Variants in MEI1 observed in about 807,000 individuals in gnomAD.
The protein encoded by MEI1 is meiosis inhibitor protein 1.
A neutral mutation model predicts 146.2 loss-of-function variants in MEI1; 103 were observed. The ratio of observed to expected loss-of-function variants is 0.70; its 90% CI spans 0.60 to 0.83. The LOEUF is 0.83. Among genes scored for constraint, MEI1 ranks in the 40% least tolerant of loss-of-function variants. The pLI, the probability that MEI1 is intolerant of heterozygous loss-of-function variation, is 0.00. For missense variants in MEI1, 1,529 were observed against 1,533.0 expected (o/e 1.00, Z 0.04); for synonymous variants, 652 against 628.2 (o/e 1.04, Z -0.57).
At chr22:41,740,901 A>G (rs535983962) in intron 11 of MEI1, among the ~76,000 whole-genome samples, 50 of 152,154 alleles carry the variant, frequency 3.3e-4, no homozygotes, top group African/African-American at 1.2e-3. Context: ...GGCCCAACAG[A>G]TGGCTCTCAG....
Position 41,709,751 on chromosome 22 carries a change from G to C in MEI1, c.349+4197G>C, listed in dbSNP as rs1043978930. Among the ~76,000 whole-genome samples the C allele has an allele frequency of 1.2e-3, 178 of 152,206 alleles. 1 individual carries two copies. The highest frequency in any genetic ancestry group is 3.7e-4 in the Non-Finnish European group (25 of 68,010). On this transcript the variant is annotated intron_variant, in intron 3 of 30. Transcript: ENST00000401548. ...TGTTAGTGGCAACTGAGTTTCCCCT[G>C]GATATTGGGATCAGTCATTCCAGGT...
In MEI1 at chr22:41,795,834, C is replaced by T. The variant is rs771414818; in HGVS notation, c.3766C>T (p.Leu1256=). 1.5e-5 allele frequency: 25 copies of T among 1,613,658 alleles called. No individual in the cohort carries two copies. In the Admixed American group the frequency reaches 4.2e-4, roughly 27 times the overall value. ...PPSTSSGQPP[L]QDMLCLGGVA... ...TAGCACCTCCTCAGGCCAGCCACCCCTGCAGGACATGCTGTATCCTTTCTT... is the reference window on the plus strand; with the variant it reads ...TAGCACCTCCTCAGGCCAGCCACCCTTGCAGGACATGCTGTATCCTTTCTT... Residue 1256 remains leucine (L), a synonymous_variant, in exon 30 of 31, where the codon CTG becomes TTG. Transcript: ENST00000401548. This position sits in a 1 kb window ranked among gnomAD's most constrained non-coding sequence, Gnocchi z 4.2.
At chr22:41,706,485 T>C (rs963811469) in intron 3 of MEI1, among the ~76,000 whole-genome samples, 1 of 152,158 alleles carries the variant, frequency 6.6e-6, no homozygotes, top group African/African-American at 2.4e-5. Flanking sequence ...CAAAGGCACA[T>C]ACAAAACTCT....
At chr22:41,757,749 G>A (rs995126347) in intron 17 of MEI1, among the ~76,000 whole-genome samples, 2 of 152,140 alleles carry the variant, frequency 1.3e-5, no homozygotes, top group South Asian at 4.1e-4. Flanking sequence ...GTCTCATTAT[G>A]TGTCTCTTCC....
chr22:41,793,921 T>C lies in MEI1; in HGVS notation c.3427+11T>C, dbSNP rs1014538638. 6.2e-7 allele frequency: 1 copy of C among 1,607,104 alleles called. No individual in the cohort carries two copies. Among genetic ancestry groups the C allele is most frequent in the African/African-American group, 1.3e-5 (1 of 74,740 alleles). On this transcript the variant is annotated intron_variant, in intron 27 of 30. Coordinates refer to ENST00000401548, the MANE Select transcript of MEI1 (RefSeq NM_152513.4). ...GGAGCCCAGACATTGGTAGAAACTC[T>C]CCACATTATCTGATGTTCCCATGAG...
At chr22:41,735,233 T>G (rs1194447058) in intron 11 of MEI1, among the ~76,000 whole-genome samples, 2 of 147,564 alleles carry the variant, frequency 1.4e-5, no homozygotes, top group South Asian at 2.2e-4. Context: ...AAGTGTTTTT[T>G]TTTTTTTTTT....
rs771201516 is a variant in MEI1 at position 41,703,332 on chromosome 22, T to C, written c.176T>C (p.Leu59Ser). 1.1e-5 allele frequency: 18 copies of C among 1,612,388 alleles called. No homozygotes were observed. The South Asian group carries it at 1.8e-4, about 16-fold the overall frequency. The change falls in exon 2 of 31, where the codon TTA (leucine) becomes TCA (serine). Residue 59 changes from leucine (L) to serine (S), a missense_variant and splice_region_variant. By Grantham distance (145) the Leu-to-Ser change is moderately radical (BLOSUM62 -2). Coordinates refer to ENST00000401548, the MANE Select transcript of MEI1 (RefSeq NM_152513.4). ...ATGTTTTTCTTCATTTGCTTCAAGT[T>C]AGTGCGCAAGAAGCACATGTTGTCC... ...LELLPDPGVS[L>S]VRKKHMLSCF...
chr22:41,759,632 A>AAATAAATAAATAAATAAATAAATAAAT (rs1569268709), intron 18 of MEI1, among the ~76,000 whole-genome samples: 5 of 135,678 alleles, frequency 3.7e-5, no homozygotes, highest in African/African-American at 1.5e-4. Context: ...TCCGTCTCAA[A>AAATAAATAAATAAATAAATAAATAAAT]AAATAAATAA....
At chr22:41,754,907 G>T (rs546171763) in intron 17 of MEI1, among the ~76,000 whole-genome samples, 61 of 152,310 alleles carry the variant, frequency 4.0e-4, no homozygotes, top group African/African-American at 1.5e-3. Context: ...AAAGGATAGA[G>T]AGTGATAGAA....
chr22:41,736,851 C>G (rs137991023), intron 11 of MEI1, among the ~76,000 whole-genome samples: 1 of 152,324 alleles, frequency 6.6e-6, no homozygotes, highest in African/African-American at 2.4e-5. Flanking sequence ...TACCACCATT[C>G]AGCCCACTAT....
intron 7 of MEI1, among the ~76,000 whole-genome samples, chr22:41,727,149 G>C (rs2071426715): frequency 6.6e-6 from 1 of 152,042 alleles, no homozygotes; most frequent in African/African-American, 2.4e-5. Flanking sequence ...CAATATGGCT[G>C]AGATGGGGTT....
chr22:41,754,105 C>A, intron 17 of MEI1, 59 bp downstream of exon 17: 1 of 1,282,642 alleles, frequency 7.8e-7, no homozygotes. Context: ...AGTCTGGGTG[C>A]CTTGCTGATT....
intron 20 of MEI1, 139 bp from the exon 21 acceptor site, chr22:41,775,963 A>AG (rs1207665754): frequency 1.3e-6 from 1 of 768,838 alleles, no homozygotes; most frequent in Non-Finnish European, 2.1e-6. Context: ...GGTACATAAT[A>AG]GGTGCTGAGT....
At chr22:41,747,777 T>C (rs1210693340) in intron 14 of MEI1, among the ~76,000 whole-genome samples, 1 of 144,730 alleles carries the variant, frequency 6.9e-6, no homozygotes, top group Non-Finnish European at 1.5e-5. Context: ...ACTATATTAT[T>C]ATTATTACTA....
chr22:41,762,658 A>T, intron 18 of MEI1, among the ~76,000 whole-genome samples: 1 of 148,150 alleles, frequency 6.7e-6, no homozygotes, highest in Non-Finnish European at 1.5e-5. Flanking sequence ...GAGTGCTGGG[A>T]CTCTAGGCAT....
At chr22:41,708,409 T>C (rs1189850176) in intron 3 of MEI1, among the ~76,000 whole-genome samples, 1 of 152,136 alleles carries the variant, frequency 6.6e-6, no homozygotes, top group Non-Finnish European at 1.5e-5. Flanking sequence ...TGAATCTTTT[T>C]TTTTTTTTTC....
chr22:41,716,714 G>A (rs1289058133), intron 5 of MEI1, among the ~76,000 whole-genome samples: 3 of 111,592 alleles, frequency 2.7e-5, no homozygotes, highest in Non-Finnish European at 3.5e-5. Flanking sequence ...TCCCTGAGAC[G>A]AGTCTTGCTC....
chr22:41,756,072 A>G (rs2068633748), intron 17 of MEI1, among the ~76,000 whole-genome samples: 1 of 152,154 alleles, frequency 6.6e-6, no homozygotes, highest in Non-Finnish European at 1.5e-5. Context: ...TCAAATAGTG[A>G]TGAAGTTTTC....
intron 3 of MEI1, among the ~76,000 whole-genome samples, chr22:41,711,462 C>T (rs772796751): frequency 2.6e-5 from 4 of 152,252 alleles, no homozygotes; most frequent in Non-Finnish European, 4.4e-5. Flanking sequence ...TTCTAGGCCA[C>T]CCTTGAGTGG....
Sources: allele counts gnomAD v4.1 joint callset (sites outside exome capture counted in the v4.1 genomes callset), GRCh38; gene constraint gnomAD v4.1.1; non-coding constraint Gnocchi (gnomAD v3.1); transcripts MANE v1.5; gene names NCBI Gene and HGNC (gene_info 2026-07-23, HGNC 2026-07-21).